PLSCR4: variants seen among roughly 807,000 people sequenced by gnomAD.
The protein encoded by PLSCR4 is Ca(2+)-dependent phospholipid scramblase 4.
Under a neutral mutation model 36.3 loss-of-function variants are expected in PLSCR4, and 25 were observed. That is an observed-to-expected ratio of 0.69 (90% CI 0.50 to 0.96). The LOEUF is 0.96. PLSCR4 is among the 40% of genes least tolerant of loss of function. The pLI is 0.00. For synonymous variants in PLSCR4, 122 were observed against 132.9 expected, an observed-to-expected ratio of 0.92 and a Z score of 0.56; for missense variants, 408 against 414.7, an observed-to-expected ratio of 0.98 and a Z score of 0.14.
chr3:146,239,976 G>A (rs2036080794), intron 1 of PLSCR4, among the ~76,000 whole-genome samples: 2 of 152,000 alleles, frequency 1.3e-5, no homozygotes, highest in Non-Finnish European at 2.9e-5. Context: ...CATTGGGTTA[G>A]GCAATGGTTT....
At chr3:146,237,124 G>A (rs1266574780) in intron 1 of PLSCR4, among the ~76,000 whole-genome samples, 3 of 152,060 alleles carry the variant, frequency 2.0e-5, no homozygotes, top group African/African-American at 4.8e-5. Flanking sequence ...CAAACAGGTC[G>A]AAAAAGGAAA....
intron 1 of PLSCR4, among the ~76,000 whole-genome samples, chr3:146,224,991 G>C (rs1184528571): frequency 1.2e-4 from 17 of 146,768 alleles, no homozygotes; most frequent in East Asian, 4.1e-4. Context: ...CACAAACCTT[G>C]AGCTAAACAC....
intron 3 of PLSCR4, among the ~76,000 whole-genome samples, chr3:146,216,135 C>T (rs1327042222): frequency 6.6e-6 from 1 of 152,066 alleles, no homozygotes; most frequent in African/African-American, 2.4e-5. Flanking sequence ...AAGGCTGATG[C>T]AGGAGAATCA....
chr3:146,236,264 A>C (rs7632412), intron 1 of PLSCR4, among the ~76,000 whole-genome samples: 116,116 of 151,928 alleles, frequency 0.76, 45,485 homozygotes, highest in Non-Finnish European at 0.86. Flanking sequence ...GGAGGTCCCC[A>C]GAGTCATCAA....
chr3:146,196,720 T>G lies in PLSCR4; in HGVS notation c.698A>C (p.Tyr233Ser), dbSNP rs768694454. 6.2e-7 allele frequency: 1 copy of G among 1,613,942 alleles called. No homozygotes were observed. The highest frequency in any genetic ancestry group is 8.5e-7 in the Non-Finnish European group (1 of 1,179,880). Residue 233 changes from tyrosine (Y) to serine (S), a missense_variant, in exon 7 of 9, where the codon TAC (tyrosine) becomes TCC (serine). Tyr to Ser is a moderately radical substitution (Grantham distance 144). Transcript: ENST00000354952. ...TTCTTTCTTCTCATTTTGGATGCTG[T>G]ACACCGCCCTGCACAGGTTCCAATG... is the stretch of plus-strand genomic sequence containing the variant. ...AEHWNLCRAV[Y>S]SIQNEKKENV...
At position 146,216,701 on chromosome 3, in the gene PLSCR4, T is replaced by C. The variant is rs373311445; in HGVS notation, c.118+4114A>G. Among the ~76,000 whole-genome samples the C allele has an allele frequency of 3.8e-4, 57 of 151,834 alleles. 5 individuals carry two copies. In the South Asian group the frequency reaches 9.0e-3, roughly 24 times the overall value. On this transcript the variant is annotated intron_variant, in intron 3 of 8. Transcript: ENST00000354952. ...AGAAACGTCCTTAAATACATCATGC[T>C]AATACTCCCCCTAGATCAGAGACAA...
chr3:146,244,316 T>C (rs1052571353), intron 1 of PLSCR4, among the ~76,000 whole-genome samples: 26 of 152,154 alleles, frequency 1.7e-4, no homozygotes, highest in African/African-American at 6.0e-4. Context: ...TGGGTCCCAT[T>C]CTCAAGATAC....
At chr3:146,210,847 GTT>G (rs33931243) in intron 3 of PLSCR4, among the ~76,000 whole-genome samples, 5,520 of 148,010 alleles carry the variant, frequency 0.037, 154 homozygotes, top group South Asian at 0.074. Context: ...CTTTATGTCT[GTT>G]TTTTTTTTTA....
intron 1 of PLSCR4, among the ~76,000 whole-genome samples, chr3:146,226,001 A>C (rs183895554): frequency 3.4e-4 from 52 of 152,344 alleles, no homozygotes; most frequent in African/African-American, 1.2e-3. Flanking sequence ...GATTCCACGT[A>C]AGAATGTTCA....
rs531835290 is a variant in PLSCR4 at position 146,224,762 on chromosome 3, A to G, written c.-21-2670T>C. Among the ~76,000 whole-genome samples the G allele has an allele frequency of 2.6e-5, 4 of 152,220 alleles. No homozygotes were observed. In the South Asian group the frequency reaches 8.3e-4, roughly 32 times the overall value. ...CCACCCACACCCTGCTGATTGGTAGAGCCGAGTGGCCTGTTTTGACAGGGT... is the reference window on the plus strand; with the variant it reads ...CCACCCACACCCTGCTGATTGGTAGGGCCGAGTGGCCTGTTTTGACAGGGT... On this transcript the variant is annotated intron_variant, in intron 1 of 8. Transcript: ENST00000354952.
At chr3:146,197,371 T>G (rs534447650) in intron 6 of PLSCR4, among the ~76,000 whole-genome samples, 16 of 152,290 alleles carry the variant, frequency 1.1e-4, no homozygotes, top group Non-Finnish European at 1.8e-4. Context: ...TACACACTTA[T>G]GCTGCTTGCT....
chr3:146,194,714 C>T (rs1657030391), intron 8 of PLSCR4, among the ~76,000 whole-genome samples: 1 of 151,990 alleles, frequency 6.6e-6, no homozygotes, highest in South Asian at 2.1e-4. Context: ...ATTGGACAAC[C>T]CCAAAGAGTA....
intron 1 of PLSCR4, among the ~76,000 whole-genome samples, chr3:146,235,212 A>G (rs944453235): frequency 2.0e-5 from 3 of 152,132 alleles, no homozygotes; most frequent in African/African-American, 7.2e-5. Context: ...GTCATCCTCA[A>G]TGCTGGAGGT....
intron 3 of PLSCR4, among the ~76,000 whole-genome samples, chr3:146,208,973 G>A (rs373322696): frequency 4.6e-5 from 7 of 152,066 alleles, no homozygotes; most frequent in East Asian, 1.9e-4. Flanking sequence ...TTATAGCAGC[G>A]CAATTCACTG....
At chr3:146,249,637 CAT>C (rs777990809) in intron 1 of PLSCR4, among the ~76,000 whole-genome samples, 3 of 150,034 alleles carry the variant, frequency 2.0e-5, no homozygotes, top group Non-Finnish European at 4.4e-5. Flanking sequence ...TAAAATAAGA[CAT>C]AATTATATAT....
At chr3:146,245,854 G>T (rs9851511) in intron 1 of PLSCR4, among the ~76,000 whole-genome samples, 116,539 of 151,928 alleles carry the variant, frequency 0.77, 45,751 homozygotes, top group Non-Finnish European at 0.86. Flanking sequence ...TCATCAAAGA[G>T]GAAATATTAT....
chr3:146,250,051 C>A (rs536739092), intron 1 of PLSCR4, among the ~76,000 whole-genome samples: 1 of 152,190 alleles, frequency 6.6e-6, no homozygotes, highest in African/African-American at 2.4e-5. Flanking sequence ...ACACTCACAT[C>A]ATGCATAAAG....
chr3:146,194,541 AT>A, intron 8 of PLSCR4, 86 bp from the exon 9 acceptor site: 1 of 785,352 alleles, frequency 1.3e-6, no homozygotes, highest in South Asian at 1.7e-5. Context: ...TTATTAGGGG[AT>A]TCCCCCATTC....
At chr3:146,234,629 A>G (rs1184581939) in intron 1 of PLSCR4, among the ~76,000 whole-genome samples, 3 of 152,174 alleles carry the variant, frequency 2.0e-5, no homozygotes, top group African/African-American at 7.2e-5. Context: ...AGGGTAAATA[A>G]AACCTCATTT....
Sources: allele counts gnomAD v4.1 joint callset (sites outside exome capture counted in the v4.1 genomes callset), GRCh38; gene constraint gnomAD v4.1.1; transcripts MANE v1.5; gene names NCBI Gene and HGNC (gene_info 2026-07-23, HGNC 2026-07-21).